SLC25A13: variants seen among roughly 807,000 people sequenced by gnomAD.
SLC25A13 encodes the protein solute carrier family 25 member 13, also known as electrogenic aspartate/glutamate antiporter SLC25A13, mitochondrial.
Under a neutral mutation model 85.5 loss-of-function variants are expected in SLC25A13, and 70 were observed. The observed-to-expected ratio is 0.82, with a 90% CI of 0.68 to 1.00. SLC25A13 has a LOEUF of 1.00. Among genes scored for constraint, SLC25A13 ranks in the 50% least tolerant of loss-of-function variants. The pLI is 0.00. For missense variants in SLC25A13, 765 were observed against 819.8 expected, an observed-to-expected ratio of 0.93 and a Z score of 0.82; for synonymous variants, 259 against 288.7, an observed-to-expected ratio of 0.90 and a Z score of 1.04.
intron 5 of SLC25A13, among the ~76,000 whole-genome samples, chr7:96,194,442 C>CAAAAAAAAAAAAAAAAAAAAAAAAAAAA (rs546248549): frequency 3.6e-5 from 1 of 27,694 alleles, no homozygotes; most frequent in Non-Finnish European, 6.7e-5. Flanking sequence ...AACCTTGTCT[C>CAAAAAAAAAAAAAAAAAAAAAAAAAAAA]AAAAAAAAAA....
intron 8 of SLC25A13, 63 bp downstream of exon 8, chr7:96,189,518 C>T: frequency 2.0e-6 from 3 of 1,503,762 alleles, no homozygotes; most frequent in Admixed American, 1.7e-5. Context: ...CTGATTGCTG[C>T]CCTCCTCCTA....
chr7:96,193,451 T>C (rs1023316121), intron 5 of SLC25A13, among the ~76,000 whole-genome samples: 1 of 152,206 alleles, frequency 6.6e-6, no homozygotes, highest in East Asian at 1.9e-4. Context: ...CTAGAGTCCA[T>C]GAACACAAAG....
At chr7:96,209,045 T>C (rs1795582125) in intron 4 of SLC25A13, 68 bp from the exon 5 acceptor site, 5 of 1,476,816 alleles carry the variant, frequency 3.4e-6, no homozygotes, top group Non-Finnish European at 4.7e-6. Context: ...AATCTGTTAT[T>C]GAATGGATAT....
Position 96,208,901 on chromosome 7 carries a change from T to G in SLC25A13, c.405A>C (p.Gln135His), listed in dbSNP as rs768953296. ...TTTTTCTTTCTTTTCCAAAATGTAG[T>G]TGCACAAATTCTGAATCCCAGTTAA... ...IPFNWDSEFV[Q>H]LHFGKERKRH... Residue 135 changes from glutamine to histidine, a missense_variant, in exon 5 of 18, where the codon CAA (glutamine) becomes CAC (histidine). By Grantham distance (24) the Gln-to-His change is conservative (BLOSUM62 0). Coordinates refer to ENST00000265631, the MANE Select transcript of SLC25A13 (RefSeq NM_014251.3). 6.8e-6 allele frequency: 11 copies of G among 1,614,096 alleles called. No homozygotes were observed. The highest frequency in any genetic ancestry group is 9.3e-6 in the Non-Finnish European group (11 of 1,179,994).
intron 1 of SLC25A13, among the ~76,000 whole-genome samples, chr7:96,316,423 G>A (rs990213228): frequency 6.6e-6 from 1 of 152,082 alleles, no homozygotes; most frequent in African/African-American, 2.4e-5. Flanking sequence ...AAGAACTACT[G>A]GACTGGGATG....
chr7:96,282,162 G>T (rs2116954273), intron 2 of SLC25A13, among the ~76,000 whole-genome samples: 2 of 152,146 alleles, frequency 1.3e-5, no homozygotes, highest in South Asian at 4.2e-4. Flanking sequence ...AAGAGTTTTA[G>T]GATTCCTCAT....
rs1303970601 is a variant in SLC25A13 at position 96,193,041 on chromosome 7, A to C, written c.611T>G (p.Val204Gly). ...TTAGGGCAAGTTACAACTTACAGCT[A>C]CTAGACATTCTTCTACAAAAGGAGT... Reference protein sequence around the residue: ...VLTPFVEECLVAAAGGTTSHQ... With the variant: ...VLTPFVEECLGAAAGGTTSHQ... Residue 204 changes from valine to glycine, a missense_variant, in exon 6 of 18, where the codon GTA (valine) becomes GGA (glycine). Val to Gly is a moderately radical substitution (Grantham distance 109, BLOSUM62 -3). Transcript: ENST00000265631. 6.2e-7 allele frequency: 1 copy of C among 1,614,010 alleles called. No individual in the cohort carries two copies. The highest frequency in any genetic ancestry group is 8.5e-7 in the Non-Finnish European group (1 of 1,180,006).
intron 5 of SLC25A13, among the ~76,000 whole-genome samples, chr7:96,203,709 T>C (rs1377538838): frequency 6.6e-6 from 1 of 151,498 alleles, no homozygotes; most frequent in African/African-American, 2.4e-5. Context: ...TAGACTGTTT[T>C]CAAATTAAAG....
At chr7:96,121,515 A>T in intron 17 of SLC25A13, 138 bp from the exon 18 acceptor site, 1 of 1,382,910 alleles carries the variant, frequency 7.2e-7, no homozygotes. Flanking sequence ...CCCCTTGGAA[A>T]TGACCTTGTT....
At chr7:96,178,120 C>G (rs1258588163) in intron 11 of SLC25A13, among the ~76,000 whole-genome samples, 1 of 152,132 alleles carries the variant, frequency 6.6e-6, no homozygotes, top group Non-Finnish European at 1.5e-5. Flanking sequence ...TCCTTAAAAC[C>G]TCGAAGGCAC....
chr7:96,274,201 TA>T lies in SLC25A13; in HGVS notation c.212+2994del, dbSNP rs367953327. 7.2e-3 allele frequency among the ~76,000 whole-genome samples: 1,041 copies of T among 144,344 alleles called. 6 individuals carry two copies. Among genetic ancestry groups the T allele is most frequent in the African/African-American group, 0.015 (598 of 39,668 alleles). 94.7% of individuals were successfully genotyped at this position (144,344 alleles called of 152,430 possible). A position where few individuals can be genotyped will look rare whatever the true frequency, so the allele number is the denominator to read the frequency against. On this transcript the variant is annotated intron_variant, in intron 3 of 17. Coordinates refer to ENST00000265631, the MANE Select transcript of SLC25A13 (RefSeq NM_014251.3). ...TCATTTTACAGGAGGTTCTTTCCAT[TA>T]AAAAAAAAAAAATGGTATCTCATTA...
In SLC25A13 at chr7:96,193,095, A is replaced by C; in HGVS notation, c.557T>G (p.Ile186Ser). Reference sequence around the variant, plus strand: ...GACATGGGGGCGGATGGTGACCATGATGTCTCGGAAGTCGATGGCTGTGAC... The same window carrying C: ...GACATGGGGGCGGATGGTGACCATGCTGTCTCGGAAGTCGATGGCTGTGAC... ...GRVTAIDFRD[I>S]MVTIRPHVLT... The change falls in exon 6 of 18, where the codon ATC becomes AGC. Residue 186 changes from isoleucine to serine, a missense_variant. Transcript: ENST00000265631. 5.6e-6 allele frequency: 9 copies of C among 1,614,120 alleles called. No individual in the cohort carries two copies. The highest frequency in any genetic ancestry group is 7.6e-6 in the Non-Finnish European group (9 of 1,180,010).
At chr7:96,136,260 C>T (rs145517523) in intron 14 of SLC25A13, among the ~76,000 whole-genome samples, 73 of 152,264 alleles carry the variant, frequency 4.8e-4, no homozygotes, top group African/African-American at 1.7e-3. Context: ...CCACAATTGA[C>T]ACAGGCCAAT....
chr7:96,243,773 C>T (rs1027671371), intron 3 of SLC25A13, among the ~76,000 whole-genome samples: 1 of 152,010 alleles, frequency 6.6e-6, no homozygotes, highest in Non-Finnish European at 1.5e-5. Context: ...AGCAGGCCAC[C>T]CTTGTTAAGT....
At chr7:96,150,291 G>A (rs1378812314) in intron 13 of SLC25A13, among the ~76,000 whole-genome samples, 5 of 152,172 alleles carry the variant, frequency 3.3e-5, no homozygotes, top group Admixed American at 6.5e-5. Flanking sequence ...GACACAAGAT[G>A]CTTTATTCTC....
chr7:96,183,578 G>A (rs945260393), intron 11 of SLC25A13, among the ~76,000 whole-genome samples: 10 of 152,192 alleles, frequency 6.6e-5, no homozygotes, highest in Non-Finnish European at 1.0e-4. Context: ...GGCAATCCCC[G>A]AAAGAACAGT....
At chr7:96,301,127 C>A (rs1231338304) in intron 1 of SLC25A13, among the ~76,000 whole-genome samples, 1 of 152,140 alleles carries the variant, frequency 6.6e-6, no homozygotes, top group Non-Finnish European at 1.5e-5. Context: ...AATGTAGCCA[C>A]CCTTTTAAAG....
rs921202959 is a variant in SLC25A13, at chr7:96,274,762, G to A, written c.212+2434C>T. On this transcript the variant is annotated intron_variant, in intron 3 of 17. Coordinates refer to ENST00000265631, the MANE Select transcript of SLC25A13 (RefSeq NM_014251.3). ...TTTTCCCAGCACCATTTACTAAATA[G>A]GGAATCCTTTCGCCATTTCTTGTTT... 2.0e-5 allele frequency among the ~76,000 whole-genome samples: 3 copies of A among 152,218 alleles called. No homozygotes were observed. In the South Asian group the frequency reaches 6.2e-4, roughly 32 times the overall value.
chr7:96,193,016 T>C, intron 6 of SLC25A13, 21 bp downstream of exon 6: 2 of 1,613,626 alleles, frequency 1.2e-6, no homozygotes, highest in Non-Finnish European at 1.7e-6. Flanking sequence ...AACCACTTCA[T>C]TAGGGCAAGT....
Sources: allele counts gnomAD v4.1 joint callset (sites outside exome capture counted in the v4.1 genomes callset), GRCh38; gene constraint gnomAD v4.1.1; transcripts MANE v1.5; gene names NCBI Gene and HGNC (gene_info 2026-07-23, HGNC 2026-07-21).